CD4: variants seen among roughly 807,000 people sequenced by gnomAD.
CD4 encodes the protein T-cell surface glycoprotein CD4.
A neutral mutation model predicts 50.5 loss-of-function variants in CD4; 25 were observed. The ratio of observed to expected loss-of-function variants is 0.49; its 90% CI spans 0.36 to 0.69. The LOEUF is 0.69. CD4 is among the 30% of genes least tolerant of loss of function. The probability of loss-of-function intolerance (pLI) is 0.00; values close to 1 mark genes in which losing one functional copy is unlikely to be tolerated. For missense variants in CD4, 456 were observed against 548.5 expected (o/e 0.83, Z 1.68); for synonymous variants, 207 against 221.9 (o/e 0.93, Z 0.60).
At chr12:6,795,806 C>A (rs753161797) in intron 1 of CD4, among the ~76,000 whole-genome samples, 3 of 152,210 alleles carry the variant, frequency 2.0e-5, no homozygotes, top group Non-Finnish European at 4.4e-5. Context: ...TTCCCCCACC[C>A]TTCCATCTCA....
intron 1 of CD4, among the ~76,000 whole-genome samples, chr12:6,790,588 C>T (rs562748232): frequency 2.0e-5 from 3 of 152,346 alleles, no homozygotes; most frequent in East Asian, 3.9e-4. Context: ...GAAGGATGTG[C>T]AGCCCCTCCT....
intron 7 of CD4, among the ~76,000 whole-genome samples, chr12:6,817,924 C>T (rs755283674): frequency 1.3e-5 from 2 of 152,002 alleles, no homozygotes; most frequent in African/African-American, 2.4e-5. Context: ...CTGTCGTACA[C>T]GTACACTCAC....
rs1465687122 is a variant in CD4 at position 6,820,485 on chromosome 12, G to C, written c.*1156G>C. 1 of 152,274 alleles carries C rather than the reference G, an allele frequency of 6.6e-6. No homozygotes were observed. The highest frequency in any genetic ancestry group is 2.4e-5 in the African/African-American group (1 of 41,422). 9.4% of individuals were successfully genotyped at this position (152,274 alleles called of 1,614,324 possible). ...AGGGAACCCTCTAAGGGACCTCAAA[G>C]GTGATTGTGCCAGGCTCTGCGCCTG... On this transcript the variant is annotated 3_prime_UTR_variant, in exon 10 of 10. Transcript: ENST00000011653.
chr12:6,793,970 ATATC>A lies in CD4; in HGVS notation c.-68+4341_-68+4344del, dbSNP rs35782413. ...CACGACACCCGGCTTCTATCTATCT[ATATC>A]TATCTATCTATCTATCTATCTATCT... On this transcript the variant is annotated intron_variant, in intron 1 of 9. Transcript: ENST00000011653. 2.2e-4 allele frequency among the ~76,000 whole-genome samples: 30 copies of A among 133,920 alleles called. No individual in the cohort carries two copies. The East Asian group carries it at 2.5e-3, about 11-fold the overall frequency. 87.9% of individuals were successfully genotyped at this position (133,920 alleles called of 152,430 possible).
At chr12:6,813,482 A>G (rs1942998093) in intron 3 of CD4, 1 of 152,230 alleles carries the variant, frequency 6.6e-6, no homozygotes, top group Non-Finnish European at 1.5e-5. Context: ...AAAAACAAAT[A>G]GTAGACTGTT....
intron 7 of CD4, among the ~76,000 whole-genome samples, chr12:6,817,682 TCACA>T (rs1227796284): frequency 1.3e-5 from 2 of 151,054 alleles, no homozygotes; most frequent in African/African-American, 4.9e-5. Context: ...ACATACACTC[TCACA>T]CACATGCACA....
rs1397811664 is a variant in CD4, at chr12:6,800,031, C to A, written c.-67-41C>A. 3 of 969,876 alleles carry A rather than the reference C, an allele frequency of 3.1e-6. No homozygotes were observed. The East Asian group carries it at 7.1e-5, about 23-fold the overall frequency. 60.1% of individuals were successfully genotyped at this position (969,876 alleles called of 1,614,324 possible). ...TGTATCGCCCCTGTATACTCCAGGT[C>A]CAGTAAATGTTTGCTGACTAATGAT... On this transcript the variant is annotated intron_variant, in intron 1 of 9. Transcript: ENST00000011653.
At chr12:6,817,842 TAC>T (rs1222257775) in intron 7 of CD4, among the ~76,000 whole-genome samples, 25 of 145,332 alleles carry the variant, frequency 1.7e-4, no homozygotes, top group South Asian at 2.2e-4. Flanking sequence ...CACACACTCA[TAC>T]ACACACATGT....
intron 3 of CD4, among the ~76,000 whole-genome samples, chr12:6,808,324 C>T (rs11835335): frequency 0.1 from 15,469 of 148,442 alleles, 1,432 homozygotes; most frequent in African/African-American, 0.24. Flanking sequence ...TGGTGGCACC[C>T]GCCTGTAGTT....
chr12:6,804,953 T>A (rs1228786753), intron 3 of CD4, among the ~76,000 whole-genome samples: 1 of 150,382 alleles, frequency 6.6e-6, no homozygotes, highest in African/African-American at 2.5e-5. Context: ...GAGGCGGAGC[T>A]TGCAGTGAGC....
Position 6,799,212 on chromosome 12 carries a change from A to C in CD4, c.-67-860A>C, listed in dbSNP as rs1942464226. The C allele has an allele frequency of 2.0e-5, 3 of 152,262 alleles. No homozygotes were observed. The South Asian group carries it at 6.2e-4, about 31-fold the overall frequency. The allele number at this position is 152,262 out of a possible 1,614,324, so 9.4% of individuals were successfully genotyped here. ...ACAAATAGCAAAGCAGCAAAAGTTT[A>C]TTAAGCACAGTACGATCCACTATGG... On this transcript the variant is annotated intron_variant, in intron 1 of 9. Transcript: ENST00000011653.
At chr12:6,803,359 G>A (rs1240915304) in intron 3 of CD4, among the ~76,000 whole-genome samples, 4 of 151,310 alleles carry the variant, frequency 2.6e-5, no homozygotes, top group Non-Finnish European at 5.9e-5. Flanking sequence ...ATGTTGACCA[G>A]GGTGGTCTGG....
Position 6,800,431 on chromosome 12 carries a change from G to GT in CD4, c.174_175insT (p.Ile59TyrfsTer13). 1 of 1,614,008 alleles carries GT rather than the reference G, an allele frequency of 6.2e-7. No homozygotes were observed. The highest frequency in any genetic ancestry group is 8.5e-7 in the Non-Finnish European group (1 of 1,179,984). ...AATTCCACTGGAAAAACTCCAACCAGATAAAGATTCTGGGAAATCAGGGCT... is the reference window on the plus strand; with the variant it reads ...AATTCCACTGGAAAAACTCCAACCAGTATAAAGATTCTGGGAAATCAGGGCT... On this transcript the variant is annotated frameshift_variant, in exon 3 of 10. Coordinates refer to ENST00000011653, the MANE Select transcript of CD4 (RefSeq NM_000616.5). LOFTEE classifies it high-confidence loss of function.
chr12:6,811,491 C>CTTTTTTTTTTTTTTTT (rs11318741), intron 3 of CD4, among the ~76,000 whole-genome samples: 1 of 111,032 alleles, frequency 9.0e-6, no homozygotes, highest in Non-Finnish European at 1.7e-5. Context: ...TTTTCTTTTT[C>CTTTTTTTTTTTTTTTT]TTTTTTTTTT....
chr12:6,797,928 C>T (rs189912802), intron 1 of CD4, among the ~76,000 whole-genome samples: 30 of 152,232 alleles, frequency 2.0e-4, no homozygotes, highest in East Asian at 1.9e-4. Context: ...GAATAGAGGC[C>T]TTCCTCCTTC....
At chr12:6,793,995 T>TATCTATCTATCTATCC (rs1422684854) in intron 1 of CD4, among the ~76,000 whole-genome samples, 1 of 151,594 alleles carries the variant, frequency 6.6e-6, no homozygotes, top group Non-Finnish European at 1.5e-5. Context: ...TCTATCTATC[T>TATCTATCTATCTATCC]ATCTATCTAT....
chr12:6,813,585 T>G (rs1299694712), intron 3 of CD4: 3 of 152,330 alleles, frequency 2.0e-5, no homozygotes, highest in Non-Finnish European at 2.9e-5. Context: ...TACGGCTGCA[T>G]AGCAGTCCAC....
intron 7 of CD4, 79 bp downstream of exon 7, chr12:6,817,409 C>A (rs1471232608): frequency 1.9e-5 from 24 of 1,274,554 alleles, no homozygotes; most frequent in Non-Finnish European, 2.4e-5. Flanking sequence ...CCCAGAGTCC[C>A]GGCCTCCCAA....
At chr12:6,801,790 G>A (rs1942567002) in intron 3 of CD4, among the ~76,000 whole-genome samples, 1 of 150,966 alleles carries the variant, frequency 6.6e-6, no homozygotes, top group Non-Finnish European at 1.5e-5. Flanking sequence ...TTGATCTCCT[G>A]ACCTCGTGAT....
Sources: gnomAD v4.1 joint callset for allele counts (sites outside exome capture counted in the v4.1 genomes callset) on GRCh38, gnomAD v4.1.1 for gene constraint, MANE v1.5 for transcripts, NCBI Gene and HGNC (gene_info 2026-07-23, HGNC 2026-07-21) for gene names.